Variants in SLC4A4 observed in about 807,000 individuals in gnomAD.
SLC4A4 encodes electrogenic sodium bicarbonate cotransporter 1.
In SLC4A4, 27 loss-of-function variants were observed where a neutral mutation model predicts 111.5. That is an observed-to-expected ratio of 0.24 (90% CI 0.18 to 0.33). The LOEUF is 0.33. SLC4A4 is among the 10% of genes least tolerant of loss of function. SLC4A4 has a pLI of 1.00. For missense variants in SLC4A4, 909 were observed against 1,315.5 expected, an observed-to-expected ratio of 0.69 and a Z score of 4.78; for synonymous variants, 443 against 463.4, an observed-to-expected ratio of 0.96 and a Z score of 0.57.
chr4:71,215,838 C>A (rs1325297484), intron 1 of SLC4A4, among the ~76,000 whole-genome samples: 1 of 151,622 alleles, frequency 6.6e-6, no homozygotes, highest in African/African-American at 2.4e-5. Flanking sequence ...ATGCATTGTA[C>A]AGAGTCAGTT....
intron 6 of SLC4A4, among the ~76,000 whole-genome samples, chr4:71,376,154 T>TACACACACACACAC (rs1280052167): frequency 3.6e-5 from 2 of 55,032 alleles, no homozygotes; most frequent in African/African-American, 1.4e-4. Flanking sequence ...TACCTGTATA[T>TACACACACACACAC]ATACACACAC....
At chr4:71,166,960 C>G (rs1455280233) in intron 2 of SLC4A4, among the ~76,000 whole-genome samples, 14 of 152,040 alleles carry the variant, frequency 9.2e-5, no homozygotes, top group Admixed American at 8.5e-4. Flanking sequence ...ATCTGAATAC[C>G]ACTGCTGCTT....
intron 1 of SLC4A4, among the ~76,000 whole-genome samples, chr4:71,201,611 T>C (rs751337158): frequency 1.3e-5 from 2 of 152,194 alleles, no homozygotes; most frequent in Non-Finnish European, 2.9e-5. Context: ...GAAAAATGCA[T>C]AGCACATAGT....
chr4:71,533,324 T>C (rs921193945), intron 17 of SLC4A4, among the ~76,000 whole-genome samples: 2 of 152,138 alleles, frequency 1.3e-5, no homozygotes, highest in Non-Finnish European at 2.9e-5. Context: ...TTTTTTTCCC[T>C]GACAAGCTCA....
chr4:71,432,145 C>T (rs1389197296), intron 7 of SLC4A4, among the ~76,000 whole-genome samples: 2 of 151,968 alleles, frequency 1.3e-5, no homozygotes, highest in Non-Finnish European at 1.5e-5. Context: ...AAAAAGCAGA[C>T]GTGAGGAAAA....
At chr4:71,349,728 T>C (rs1158221784) in intron 4 of SLC4A4, among the ~76,000 whole-genome samples, 184 bp from the exon 5 acceptor site, 1 of 152,206 alleles carries the variant, frequency 6.6e-6, no homozygotes, top group Non-Finnish European at 1.5e-5. Flanking sequence ...AGGAGCAGTC[T>C]AGTGCTTCTC....
chr4:71,524,201 C>T (rs1374670314), intron 16 of SLC4A4, among the ~76,000 whole-genome samples: 2 of 152,072 alleles, frequency 1.3e-5, no homozygotes, highest in Non-Finnish European at 2.9e-5. Flanking sequence ...CCAAATCCTC[C>T]GGCTGACCTT....
chr4:71,216,943 T>C (rs1386002462), intron 1 of SLC4A4, among the ~76,000 whole-genome samples: 1 of 152,176 alleles, frequency 6.6e-6, no homozygotes, highest in African/African-American at 2.4e-5. Flanking sequence ...TCTCCACAAC[T>C]GAACAATGTG....
chr4:71,508,660 A>G (rs1731633894), intron 16 of SLC4A4, among the ~76,000 whole-genome samples: 1 of 152,208 alleles, frequency 6.6e-6, no homozygotes, highest in South Asian at 2.1e-4. Flanking sequence ...ATGGATTCAC[A>G]GCTGAATTCT....
intron 5 of SLC4A4, among the ~76,000 whole-genome samples, chr4:71,350,359 A>AT (rs755756947): frequency 4.6e-5 from 7 of 150,864 alleles, no homozygotes; most frequent in African/African-American, 1.2e-4. Context: ...TATGTTTTTG[A>AT]TTTTTTTTAT....
At chr4:71,166,547 A>G (rs1744747931) in intron 2 of SLC4A4, among the ~76,000 whole-genome samples, 1 of 152,190 alleles carries the variant, frequency 6.6e-6, no homozygotes, top group Non-Finnish European at 1.5e-5. Flanking sequence ...TAAGCAGTCT[A>G]TTTTATTTGT....
At chr4:71,304,169 G>T (rs1235539572) in intron 3 of SLC4A4, among the ~76,000 whole-genome samples, 1 of 152,078 alleles carries the variant, frequency 6.6e-6, no homozygotes, top group East Asian at 1.9e-4. Flanking sequence ...GAACCAAGAG[G>T]GTATATGGAG....
chr4:71,236,701 A>G (rs1205171900), intron 2 of SLC4A4, 52 bp downstream of exon 2: 1 of 1,393,354 alleles, frequency 7.2e-7, no homozygotes, highest in South Asian at 1.2e-5. Flanking sequence ...ATGTCTCTAT[A>G]GATAATAACA....
intron 8 of SLC4A4, among the ~76,000 whole-genome samples, chr4:71,445,371 G>T (rs1472831242): frequency 1.3e-5 from 2 of 152,064 alleles, no homozygotes; most frequent in African/African-American, 4.8e-5. Context: ...TAGTCAACCT[G>T]ATAATTAACT....
intron 3 of SLC4A4, among the ~76,000 whole-genome samples, chr4:71,281,423 C>A (rs1723505593): frequency 6.6e-6 from 1 of 152,136 alleles, no homozygotes; most frequent in Admixed American, 6.5e-5. Flanking sequence ...GCCACATGTG[C>A]ATTAAGTGAG....
At position 71,088,996 on chromosome 4, in the gene SLC4A4, A is replaced by G. The variant is rs532535277; in HGVS notation, c.-64-3734A>G. Among the ~76,000 whole-genome samples, 22 of 152,160 alleles carry G rather than the reference A, an allele frequency of 1.4e-4. 1 individual carries two copies. In the South Asian group the frequency reaches 4.4e-3, roughly 30 times the overall value. Reference sequence around the variant, plus strand: ...GTTCTCATAGACAATATCCTGCAGAATGTTTTCCAACTTGGTTCCATTCTG... The same window carrying G: ...GTTCTCATAGACAATATCCTGCAGAGTGTTTTCCAACTTGGTTCCATTCTG... On this transcript the variant is annotated intron_variant, in intron 1 of 26. Coordinates refer to the SLC4A4 transcript ENST00000649996.
chr4:71,159,296 T>C (rs886316601), intron 2 of SLC4A4, among the ~76,000 whole-genome samples: 1 of 152,214 alleles, frequency 6.6e-6, no homozygotes, highest in East Asian at 1.9e-4. Context: ...CAAACAATGA[T>C]GCAGATAATA....
intron 3 of SLC4A4, among the ~76,000 whole-genome samples, chr4:71,312,010 T>C (rs1455802806): frequency 6.6e-6 from 1 of 150,886 alleles, no homozygotes; most frequent in Non-Finnish European, 1.5e-5. Flanking sequence ...ATTAACAAAA[T>C]ACATTGACTG....
At chr4:71,256,611 T>C (rs1365439708) in intron 3 of SLC4A4, among the ~76,000 whole-genome samples, 1 of 152,120 alleles carries the variant, frequency 6.6e-6, no homozygotes, top group East Asian at 1.9e-4. Context: ...GAGACTCAAG[T>C]TATGTACTTT....
Sources: allele counts gnomAD v4.1 joint callset (sites outside exome capture counted in the v4.1 genomes callset), GRCh38; gene constraint gnomAD v4.1.1; transcripts MANE v1.5; gene names NCBI Gene and HGNC (gene_info 2026-07-23, HGNC 2026-07-21).